The following UGT1A6 variants were observed in gnomAD, a reference collection of about 807,000 sequenced individuals.
The protein encoded by UGT1A6 is UDP-glucuronosyltransferase 1A6.
A neutral mutation model predicts 44.4 loss-of-function variants in UGT1A6; 32 were observed. The ratio of observed to expected loss-of-function variants is 0.72; its 90% CI spans 0.54 to 0.97. The LOEUF (loss-of-function observed/expected upper bound fraction) is 0.97. Among genes scored for constraint, UGT1A6 ranks in the 50% least tolerant of loss-of-function variants. The probability of loss-of-function intolerance (pLI) is 0.00; values close to 1 mark genes in which losing one functional copy is unlikely to be tolerated. For missense variants in UGT1A6, 685 were observed against 661.9 expected, an observed-to-expected ratio of 1.03 and a Z score of -0.38; for synonymous variants, 238 against 248.5, an observed-to-expected ratio of 0.96 and a Z score of 0.40.
In UGT1A6 at chr2:233,693,797, A is replaced by G. The variant is rs1165673859; in HGVS notation, c.793A>G (p.Arg265Gly). 3.7e-6 allele frequency: 6 copies of G among 1,614,084 alleles called. No homozygotes were observed. Among genetic ancestry groups the G allele is most frequent in the Non-Finnish European group, 5.1e-6 (6 of 1,180,034 alleles). Residue 265 changes from arginine (R) to glycine (G), a missense_variant, in exon 1 of 5, where the codon AGG (arginine) becomes GGG (glycine). By Grantham distance (125) the Arg-to-Gly change is moderately radical. Coordinates refer to ENST00000305139, the MANE Select transcript of UGT1A6 (RefSeq NM_001072.4). ...LRYDFVLEYP[R>G]PVMPNMVFIG... The stretch of plus-strand genomic sequence containing the variant: ...ATATGACTTTGTGCTTGAATATCCT[A>G]GGCCGGTCATGCCCAACATGGTCTT...
intron 1 of UGT1A6, chr2:233,754,508 T>C (rs1695500116): frequency 2.8e-6 from 1 of 361,410 alleles, no homozygotes; most frequent in East Asian, 7.3e-5. Flanking sequence ...CCGCTATTCC[T>C]CCAGATGTGC....
intron 1 of UGT1A6, chr2:233,752,385 C>T (rs1023364078): frequency 4.6e-5 from 7 of 152,142 alleles, no homozygotes. Context: ...ATCTTTGCAA[C>T]AGAGGAAATG....
In UGT1A6 at chr2:233,713,451, T is replaced by G. The variant is rs779404172; in HGVS notation, c.861+19586T>G. 4.3e-5 allele frequency: 69 copies of G among 1,614,108 alleles called. 1 individual carries two copies. The highest frequency in any genetic ancestry group is 3.4e-4 in the South Asian group (31 of 91,046). On this transcript the variant is annotated intron_variant, in intron 1 of 4. Coordinates refer to ENST00000305139, the MANE Select transcript of UGT1A6 (RefSeq NM_001072.4). ...CTTTGATGTGGTTCTAACAGACCCC[T>G]TTCACCTCTGCGCGGCGGTGCTGGC...
Position 233,769,816 on chromosome 2 carries a change from C to A in UGT1A6, c.1301+1377C>A. On this transcript the variant is annotated intron_variant, in intron 4 of 4. Transcript: ENST00000305139. The surrounding 1 kb of genome is among the most constrained non-coding windows in gnomAD (Gnocchi z 4.4). ...GCTGCTATGAGCCGTGATCATGCCA[C>A]TGCACTCCAGCAACCTGGGCAACAG... 2.2e-6 allele frequency: 2 copies of A among 922,022 alleles called. No individual in the cohort carries two copies. The highest frequency in any genetic ancestry group is 1.5e-6 in the Non-Finnish European group (1 of 663,950). The allele number at this position is 922,022 out of a possible 1,614,324, so 57.1% of individuals were successfully genotyped here. A position where few individuals can be genotyped will look rare whatever the true frequency, so the allele number is the denominator to read the frequency against.
At chr2:233,754,415 G>A (rs1208600112) in intron 1 of UGT1A6, 1 of 341,654 alleles carries the variant, frequency 2.9e-6, no homozygotes, top group Non-Finnish European at 5.7e-6. Context: ...CAACAATAAA[G>A]ACAGGCATTG....
chr2:233,707,168 A>G lies in UGT1A6; in HGVS notation c.861+13303A>G, dbSNP rs564906644. Among the ~76,000 whole-genome samples the G allele has an allele frequency of 1.5e-4, 23 of 152,172 alleles. No homozygotes were observed. The East Asian group carries it at 4.3e-3, about 28-fold the overall frequency. On this transcript the variant is annotated intron_variant, in intron 1 of 4. Transcript: ENST00000305139. ...CACTGCAGTTTATCAGCACCCAGAC[A>G]TCCATCCTGGGTGCCTGCCCTCCGT...
chr2:233,729,990 T>G, intron 1 of UGT1A6: 1 of 1,614,036 alleles, frequency 6.2e-7, no homozygotes, highest in East Asian at 2.2e-5. Flanking sequence ...AGCCACTATC[T>G]CAGGTCTGTA....
chr2:233,768,250 A>G lies in UGT1A6; in HGVS notation c.1112A>G (p.His371Arg). 1 of 1,614,148 alleles carries G rather than the reference A, an allele frequency of 6.2e-7. No individual in the cohort carries two copies. Among genetic ancestry groups the G allele is most frequent in the South Asian group, 1.1e-5 (1 of 91,078 alleles). ...GHPMTRAFITHAGSHGVYESI... is the reference protein window; with the variant it reads ...GHPMTRAFITRAGSHGVYESI... ...CCGATGACCCGTGCCTTTATCACCC[A>G]TGCTGGTTCCCATGGTGTTTATGAA... The change falls in exon 4 of 5, where the codon CAT becomes CGT. Residue 371 changes from histidine to arginine, a missense_variant. Transcript: ENST00000305139.
At chr2:233,715,494 CA>C (rs1394271986) in intron 1 of UGT1A6, among the ~76,000 whole-genome samples, 9 of 152,174 alleles carry the variant, frequency 5.9e-5, no homozygotes, top group African/African-American at 2.2e-4. Context: ...GATTTGTGTG[CA>C]AGTGGGTAGC....
intron 1 of UGT1A6, among the ~76,000 whole-genome samples, chr2:233,698,291 T>A (rs1387346717): frequency 6.6e-6 from 1 of 152,168 alleles, no homozygotes; most frequent in East Asian, 1.9e-4. Flanking sequence ...TGAAAAAAAA[T>A]GTGTCTTTGG....
At chr2:233,759,367 G>A (rs1697118309) in intron 1 of UGT1A6, among the ~76,000 whole-genome samples, 1 of 152,146 alleles carries the variant, frequency 6.6e-6, no homozygotes, top group Admixed American at 6.5e-5. Flanking sequence ...CTATAAAAAG[G>A]TACAGGTTTT....
chr2:233,697,297 C>T (rs2075383604), intron 1 of UGT1A6, among the ~76,000 whole-genome samples: 1 of 152,076 alleles, frequency 6.6e-6, no homozygotes, highest in African/African-American at 2.4e-5. Context: ...CTTCTTCATT[C>T]AATCTTGGTA....
chr2:233,752,764 A>C (rs1695055831), intron 1 of UGT1A6, among the ~76,000 whole-genome samples: 1 of 152,262 alleles, frequency 6.6e-6, no homozygotes, highest in Non-Finnish European at 1.5e-5. Flanking sequence ...CAAACAAACA[A>C]ACAAACAATA....
At chr2:233,724,233 G>T (rs1323099966) in intron 1 of UGT1A6, among the ~76,000 whole-genome samples, 1 of 126,056 alleles carries the variant, frequency 7.9e-6, no homozygotes, top group Non-Finnish European at 1.7e-5. Flanking sequence ...CAGTAGGGGC[G>T]GCCGGGCAGA....
intron 1 of UGT1A6, among the ~76,000 whole-genome samples, chr2:233,742,214 A>C (rs1413606991): frequency 6.6e-6 from 1 of 151,982 alleles, no homozygotes; most frequent in African/African-American, 2.4e-5. Context: ...CACAGCCTTC[A>C]GGGCTGAGAG....
chr2:233,771,014 CGA>C (rs1700215366), intron 4 of UGT1A6: 2 of 152,012 alleles, frequency 1.3e-5, no homozygotes, highest in Admixed American at 1.3e-4. Context: ...AAAGCAGGAG[CGA>C]GAGAGAGTTG....
In UGT1A6 at chr2:233,700,897, G is replaced by A. The variant is rs567027722; in HGVS notation, c.861+7032G>A. 8.2e-5 allele frequency among the ~76,000 whole-genome samples: 12 copies of A among 147,132 alleles called. 1 individual carries two copies. The East Asian group carries it at 2.2e-3, about 26-fold the overall frequency. ...CTCCCCCCACCCCACAACAGTCCCC[G>A]GTGTGTGACGTTCCTCTTCCTGTGT... is the stretch of plus-strand genomic sequence containing the variant. On this transcript the variant is annotated intron_variant, in intron 1 of 4. Coordinates refer to ENST00000305139, the MANE Select transcript of UGT1A6 (RefSeq NM_001072.4).
At chr2:233,764,907 A>G (rs1698684591) in intron 1 of UGT1A6, among the ~76,000 whole-genome samples, 1 of 152,198 alleles carries the variant, frequency 6.6e-6, no homozygotes, top group Non-Finnish European at 1.5e-5. Flanking sequence ...TAAGAGCCAG[A>G]GGACTCACGA....
rs189908141 is a variant in UGT1A6, at chr2:233,706,521, C to T, written c.861+12656C>T. Among the ~76,000 whole-genome samples, 191 of 152,266 alleles carry T rather than the reference C, an allele frequency of 1.3e-3. 1 individual carries two copies. Among genetic ancestry groups the T allele is most frequent in the African/African-American group, 4.2e-3 (176 of 41,544 alleles). On this transcript the variant is annotated intron_variant, in intron 1 of 4. Coordinates refer to ENST00000305139, the MANE Select transcript of UGT1A6 (RefSeq NM_001072.4). Reference sequence around the variant, plus strand: ...TGGTGTGATGCTGAGGATTTTACAGCGGCTTAGAAACACAGCTTTTTTTCT... The same window carrying T: ...TGGTGTGATGCTGAGGATTTTACAGTGGCTTAGAAACACAGCTTTTTTTCT...
Sources: gnomAD v4.1 joint callset for allele counts (sites outside exome capture counted in the v4.1 genomes callset) on GRCh38, gnomAD v4.1.1 for gene constraint, Gnocchi (gnomAD v3.1) non-coding constraint, MANE v1.5 for transcripts, NCBI Gene and HGNC (gene_info 2026-07-23, HGNC 2026-07-21) for gene names.